The following CDH6 variants were observed in gnomAD, a reference collection of about 807,000 sequenced individuals.
CDH6 encodes cadherin 6, also known as cadherin-6.
CDH6 carries 31 observed loss-of-function variants against 78.0 expected under a neutral mutation model. That is an observed-to-expected ratio of 0.40 (90% CI 0.30 to 0.54). The LOEUF is 0.54. Ranked by LOEUF, CDH6 falls within the 20% of genes least tolerant of loss-of-function variation. CDH6 has a pLI of 0.56. For missense variants in CDH6, 724 were observed against 975.9 expected, an observed-to-expected ratio of 0.74 and a Z score of 3.44; for synonymous variants, 376 against 368.8, an observed-to-expected ratio of 1.02 and a Z score of -0.23.
chr5:31,316,872 T>C (rs183775303), intron 9 of CDH6, among the ~76,000 whole-genome samples: 4 of 152,354 alleles, frequency 2.6e-5, no homozygotes, highest in African/African-American at 9.6e-5. Flanking sequence ...CTGTGTTCTA[T>C]ATACTTCTTT....
intron 1 of CDH6, among the ~76,000 whole-genome samples, chr5:31,207,339 T>C (rs1175809355): frequency 6.6e-6 from 1 of 152,182 alleles, no homozygotes; most frequent in Non-Finnish European, 1.5e-5. Flanking sequence ...CTCACACTCC[T>C]TGCTAATATC....
At chr5:31,203,900 C>G (rs187294981) in intron 1 of CDH6, among the ~76,000 whole-genome samples, 4 of 152,132 alleles carry the variant, frequency 2.6e-5, no homozygotes, top group African/African-American at 9.6e-5. Flanking sequence ...CACATCCTCT[C>G]CAGCACCTGT....
At chr5:31,238,147 A>G (rs539951638) in intron 1 of CDH6, among the ~76,000 whole-genome samples, 1 of 152,330 alleles carries the variant, frequency 6.6e-6, no homozygotes, top group African/African-American at 2.4e-5. Flanking sequence ...CAAGTAACAA[A>G]TTGATTTTTT....
Position 31,323,551 on chromosome 5 carries a change from A to G in CDH6, c.*243A>G. Reference sequence around the variant, plus strand: ...AGTCAGCCCAACAGGCAGGTGCCGGAGGGGAGGACAGGGAACAGTATTTCC... The same window carrying G: ...AGTCAGCCCAACAGGCAGGTGCCGGGGGGGAGGACAGGGAACAGTATTTCC... On this transcript the variant is annotated 3_prime_UTR_variant, in exon 12 of 12. Coordinates refer to ENST00000265071, the MANE Select transcript of CDH6 (RefSeq NM_004932.4). 1 of 485,216 alleles carries G rather than the reference A, an allele frequency of 2.1e-6. No individual in the cohort carries two copies. Among genetic ancestry groups the G allele is most frequent in the Non-Finnish European group, 3.7e-6 (1 of 270,028 alleles). 30.1% of individuals were successfully genotyped at this position (485,216 alleles called of 1,614,324 possible).
intron 1 of CDH6, among the ~76,000 whole-genome samples, chr5:31,260,967 A>C (rs2149929995): frequency 6.6e-6 from 1 of 152,314 alleles, no homozygotes; most frequent in Admixed American, 6.5e-5. Flanking sequence ...TGCTCTATAG[A>C]CACATTTTTA....
chr5:31,286,468 A>C (rs1743014613), intron 2 of CDH6, among the ~76,000 whole-genome samples: 1 of 152,212 alleles, frequency 6.6e-6, no homozygotes, highest in Non-Finnish European at 1.5e-5. Flanking sequence ...AACCACATGC[A>C]GGAAGGCGTA....
At chr5:31,202,810 T>C (rs1740397033) in intron 1 of CDH6, among the ~76,000 whole-genome samples, 1 of 151,470 alleles carries the variant, frequency 6.6e-6, no homozygotes. Context: ...ATGTGACATA[T>C]ATAAAACTAT....
chr5:31,318,880 A>T (rs1282743868), intron 11 of CDH6: 2 of 226,982 alleles, frequency 8.8e-6, no homozygotes, highest in Non-Finnish European at 1.8e-5. Context: ...ATGCCCAGGG[A>T]TCCCTGCTCT....
Position 31,297,363 on chromosome 5 carries a change from A to T in CDH6, c.598A>T (p.Ser200Cys). 1.2e-6 allele frequency: 2 copies of T among 1,610,468 alleles called. No homozygotes were observed. The highest frequency in any genetic ancestry group is 1.7e-6 in the Non-Finnish European group (2 of 1,176,830). Residue 200 changes from serine to cysteine, a missense_variant, in exon 4 of 12, where the codon AGT becomes TGT. Ser to Cys is a moderately radical substitution (Grantham distance 112). Transcript: ENST00000265071. ...TGGGAACAGTGCTAAAGTTGTCTAC[A>T]GTATTCTACAGGGACAGCCCTATTT... ...TYGNSAKVVY[S>C]ILQGQPYFSV... is the part of the protein sequence containing the mutation.
chr5:31,250,177 C>T (rs765902576), intron 1 of CDH6: 1 of 152,230 alleles, frequency 6.6e-6, no homozygotes. Flanking sequence ...CCAAAGAGCT[C>T]GGCACTGTGG....
intron 7 of CDH6, among the ~76,000 whole-genome samples, chr5:31,305,900 C>A (rs1286846068): frequency 6.6e-6 from 1 of 151,938 alleles, no homozygotes; most frequent in Non-Finnish European, 1.5e-5. Context: ...TCCACATTTG[C>A]AGAACCTGTG....
chr5:31,305,886 T>A (rs1737979022), intron 7 of CDH6, among the ~76,000 whole-genome samples: 1 of 152,212 alleles, frequency 6.6e-6, no homozygotes, highest in Admixed American at 6.5e-5. Context: ...TCCAGTTGGT[T>A]GAATCCACAT....
intron 1 of CDH6, among the ~76,000 whole-genome samples, chr5:31,243,400 G>A (rs1010514256): frequency 5.3e-5 from 8 of 152,206 alleles, no homozygotes; most frequent in Non-Finnish European, 8.8e-5. Flanking sequence ...AGGAAGCACA[G>A]GGGGTGGTTG....
chr5:31,305,804 G>T (rs1193240400), intron 7 of CDH6, among the ~76,000 whole-genome samples: 1 of 152,148 alleles, frequency 6.6e-6, no homozygotes, highest in Non-Finnish European at 1.5e-5. Flanking sequence ...TATGTAAATA[G>T]TTATTATCTT....
chr5:31,281,596 A>G (rs1742865602), intron 2 of CDH6, among the ~76,000 whole-genome samples: 1 of 152,262 alleles, frequency 6.6e-6, no homozygotes, highest in African/African-American at 2.4e-5. Flanking sequence ...AAAGCCAAGC[A>G]TAAAGCAGTA....
Position 31,237,185 on chromosome 5 carries a change from G to A in CDH6, c.-128-30161G>A, listed in dbSNP as rs1314707706. Among the ~76,000 whole-genome samples the A allele has an allele frequency of 3.3e-5, 5 of 152,202 alleles. No homozygotes were observed. The East Asian group carries it at 9.7e-4, about 29-fold the overall frequency. ...GTAAATAGTTAGCAATCAAAGACAT[G>A]TCATTTGGAAAAGAATGAATCAGCC... is the stretch of plus-strand genomic sequence containing the variant. On this transcript the variant is annotated intron_variant, in intron 1 of 11. Coordinates refer to ENST00000265071, the MANE Select transcript of CDH6 (RefSeq NM_004932.4).
At chr5:31,278,664 A>G in intron 2 of CDH6, among the ~76,000 whole-genome samples, 1 of 152,222 alleles carries the variant, frequency 6.6e-6, no homozygotes, top group East Asian at 1.9e-4. Flanking sequence ...AACCATTCAC[A>G]AAAATATCAG....
chr5:31,302,900 AAAAAAAG>A (rs1561066299), intron 6 of CDH6, among the ~76,000 whole-genome samples: 227 of 138,184 alleles, frequency 1.6e-3, no homozygotes, highest in African/African-American at 6.0e-3. Flanking sequence ...AGAAAGAAAG[AAAAAAAG>A]AAAGAAAGAA....
At chr5:31,209,133 T>C (rs751007245) in intron 1 of CDH6, among the ~76,000 whole-genome samples, 1 of 152,226 alleles carries the variant, frequency 6.6e-6, no homozygotes, top group Non-Finnish European at 1.5e-5. Flanking sequence ...TACTAATCAA[T>C]AGAATAGAAA....
Sources: allele counts gnomAD v4.1 joint callset (sites outside exome capture counted in the v4.1 genomes callset), GRCh38; gene constraint gnomAD v4.1.1; transcripts MANE v1.5; gene names NCBI Gene and HGNC (gene_info 2026-07-23, HGNC 2026-07-21).